EPDR1: variants seen among roughly 807,000 people sequenced by gnomAD.
EPDR1 encodes the protein ependymin related 1.
A neutral mutation model predicts 23.7 loss-of-function variants in EPDR1; 27 were observed. The ratio of observed to expected loss-of-function variants is 1.14; its 90% CI spans 0.84 to 1.57. EPDR1 has a LOEUF of 1.57. Among genes scored for constraint, EPDR1 ranks in the 40% most tolerant of loss-of-function variants. The pLI is 0.00. For synonymous variants in EPDR1, 137 were observed against 118.2 expected, an observed-to-expected ratio of 1.16 and a Z score of -1.03; for missense variants, 349 against 290.4, an observed-to-expected ratio of 1.20 and a Z score of -1.47.
chr7:37,929,274 C>G (rs746380628), intron 1 of EPDR1, among the ~76,000 whole-genome samples: 6 of 152,208 alleles, frequency 3.9e-5, no homozygotes, highest in Non-Finnish European at 2.9e-5. Context: ...TCATCTCCCC[C>G]ACCTTCCCTC....
chr7:37,948,793 G>T (rs374662635), intron 1 of EPDR1, 47 bp from the exon 2 acceptor site: 1 of 1,500,836 alleles, frequency 6.7e-7, no homozygotes, highest in Non-Finnish European at 9.3e-7. Context: ...AAGGCACGAG[G>T]ATGGTAACAT....
At chr7:37,931,836 C>T (rs551695926) in intron 1 of EPDR1, among the ~76,000 whole-genome samples, 2 of 152,144 alleles carry the variant, frequency 1.3e-5, no homozygotes, top group South Asian at 4.2e-4. Flanking sequence ...GTAGCTGGGA[C>T]TACAGGTGCA....
intron 1 of EPDR1, among the ~76,000 whole-genome samples, chr7:37,922,521 TTACATC>T (rs1785726760): frequency 6.6e-6 from 1 of 152,128 alleles, no homozygotes. Flanking sequence ...ACTGAGGACT[TTACATC>T]TATTATATAA....
At position 37,934,374 on chromosome 7, in the gene EPDR1, T is replaced by C. The variant is rs141325690; in HGVS notation, c.269+13166T>C. 6.8e-3 allele frequency among the ~76,000 whole-genome samples: 1,034 copies of C among 152,260 alleles called. 10 individuals carry two copies. Among genetic ancestry groups the C allele is most frequent in the African/African-American group, 0.023 (939 of 41,556 alleles). On this transcript the variant is annotated intron_variant, in intron 1 of 2. Transcript: ENST00000199448. The stretch of plus-strand genomic sequence containing the variant: ...ATGGCTGCCTCTGCTCCTAGCATTA[T>C]ATCCTCTCCCAACTACAGTCAAAGA...
chr7:37,938,018 C>G (rs7810416), intron 1 of EPDR1, among the ~76,000 whole-genome samples: 32,844 of 82,130 alleles, frequency 0.4, 4,397 homozygotes, highest in East Asian at 0.49. Flanking sequence ...TGAGATGGAG[C>G]CTTTCTCTGC....
chr7:37,940,285 A>ATAT (rs1451692628), intron 1 of EPDR1, among the ~76,000 whole-genome samples: 2 of 152,336 alleles, frequency 1.3e-5, no homozygotes, highest in East Asian at 3.9e-4. Context: ...GTTATCTATA[A>ATAT]GGAGCATGAG....
intron 1 of EPDR1, 58 bp downstream of exon 1, chr7:37,921,266 G>T: frequency 2.0e-6 from 3 of 1,521,220 alleles, no homozygotes; most frequent in Non-Finnish European, 2.6e-6. Flanking sequence ...TGGGGAGGGC[G>T]AGGTCGCAGA....
chr7:37,935,893 GT>G (rs1329854920), intron 1 of EPDR1, among the ~76,000 whole-genome samples: 6 of 148,846 alleles, frequency 4.0e-5, no homozygotes, highest in African/African-American at 1.5e-4. Flanking sequence ...ACACAGAAAG[GT>G]AAAAGGTTTT....
In EPDR1 at chr7:37,949,879, G is replaced by A. The variant is rs141918331; in HGVS notation, c.479-321G>A. On this transcript the variant is annotated intron_variant, in intron 2 of 2. Transcript: ENST00000199448. ...ATGCAGGCAGAAAATGACAAATACA[G>A]TACAATCCCACTTACATGAGGTATG... Among the ~76,000 whole-genome samples the A allele has an allele frequency of 1.1e-3, 169 of 152,286 alleles. 2 individuals carry two copies. The Middle Eastern group carries it at 0.017, about 15-fold the overall frequency.
intron 1 of EPDR1, among the ~76,000 whole-genome samples, chr7:37,927,109 C>T (rs1339791412): frequency 6.6e-6 from 1 of 152,062 alleles, no homozygotes; most frequent in Non-Finnish European, 1.5e-5. Flanking sequence ...TTCAAGAAGC[C>T]CTGGTTACTT....
intron 1 of EPDR1, among the ~76,000 whole-genome samples, chr7:37,931,787 C>T (rs1785945999): frequency 6.6e-6 from 1 of 152,164 alleles, no homozygotes; most frequent in African/African-American, 2.4e-5. Flanking sequence ...CAACCTCCAC[C>T]TCCTGGGTTC....
chr7:37,930,716 G>C (rs555827671), intron 1 of EPDR1, among the ~76,000 whole-genome samples: 1 of 152,116 alleles, frequency 6.6e-6, no homozygotes, highest in Admixed American at 6.5e-5. Context: ...TCCACTTCTC[G>C]GACATCAGAA....
intron 1 of EPDR1, among the ~76,000 whole-genome samples, chr7:37,942,430 G>A (rs1294022230): frequency 1.3e-5 from 2 of 152,190 alleles, no homozygotes; most frequent in African/African-American, 4.8e-5. Flanking sequence ...GTTGCCAGGA[G>A]TTGGGGAGAG....
At chr7:37,921,774 G>C (rs1562855261) in intron 1 of EPDR1, among the ~76,000 whole-genome samples, 1 of 152,100 alleles carries the variant, frequency 6.6e-6, no homozygotes, top group Admixed American at 6.5e-5. Flanking sequence ...CTCCTTTTAA[G>C]TTTTTTGTTT....
intron 1 of EPDR1, among the ~76,000 whole-genome samples, chr7:37,932,107 T>G (rs1785954982): frequency 6.6e-6 from 1 of 152,200 alleles, no homozygotes; most frequent in African/African-American, 2.4e-5. Context: ...TCTCTTACAT[T>G]ACATCTGTCT....
At chr7:37,926,007 C>T (rs957007346) in intron 1 of EPDR1, among the ~76,000 whole-genome samples, 3 of 152,110 alleles carry the variant, frequency 2.0e-5, no homozygotes, top group Non-Finnish European at 2.9e-5. Context: ...TGAAATGCCT[C>T]GGGCCCAAAC....
Position 37,925,403 on chromosome 7 carries a change from C to T in EPDR1, c.269+4195C>T, listed in dbSNP as rs565082148. 5.9e-5 allele frequency among the ~76,000 whole-genome samples: 9 copies of T among 152,214 alleles called. No individual in the cohort carries two copies. The Middle Eastern group carries it at 0.01, about 173-fold the overall frequency. Reference sequence around the variant, plus strand: ...CTTGGAATATTATTTCATCACCAGTCGTACATGTTCTATTAAGGATTTGTA... The same window carrying T: ...CTTGGAATATTATTTCATCACCAGTTGTACATGTTCTATTAAGGATTTGTA... On this transcript the variant is annotated intron_variant, in intron 1 of 2. Coordinates refer to ENST00000199448, the MANE Select transcript of EPDR1 (RefSeq NM_017549.5).
At chr7:37,942,435 G>A (rs1316244513) in intron 1 of EPDR1, among the ~76,000 whole-genome samples, 1 of 152,146 alleles carries the variant, frequency 6.6e-6, no homozygotes, top group African/African-American at 2.4e-5. Flanking sequence ...CAGGAGTTGG[G>A]GAGAGGGAGG....
chr7:37,930,888 AGT>A (rs1785923338), intron 1 of EPDR1, among the ~76,000 whole-genome samples: 1 of 152,216 alleles, frequency 6.6e-6, no homozygotes, highest in African/African-American at 2.4e-5. Flanking sequence ...GAATTTTTAT[AGT>A]GTGTGTGTTT....
Sources: gnomAD v4.1 joint callset for allele counts (sites outside exome capture counted in the v4.1 genomes callset) on GRCh38, gnomAD v4.1.1 for gene constraint, MANE v1.5 for transcripts, NCBI Gene and HGNC (gene_info 2026-07-23, HGNC 2026-07-21) for gene names.